DYNC2I2: variants seen among roughly 807,000 people sequenced by gnomAD.
DYNC2I2 encodes the protein dynein 2 intermediate chain 2, also known as cytoplasmic dynein 2 intermediate chain 2.
DYNC2I2 carries 39 observed loss-of-function variants against 52.0 expected under a neutral mutation model. The ratio of observed to expected loss-of-function variants is 0.75; its 90% confidence interval spans 0.58 to 0.98. DYNC2I2 has a LOEUF of 0.98. Among genes scored for constraint, DYNC2I2 ranks in the 50% least tolerant of loss-of-function variants. The pLI, the probability that DYNC2I2 is intolerant of heterozygous loss-of-function variation, is 0.00. For synonymous variants in DYNC2I2, 359 were observed against 321.1 expected (o/e 1.12, Z -1.26); for missense variants, 743 against 728.4 (o/e 1.02, Z -0.23).
At chr9:128,673,685 T>C in the DYNC2I2 span, among the ~76,000 whole-genome samples, 1 of 151,612 alleles carries the variant, frequency 6.6e-6, no homozygotes, top group Admixed American at 6.6e-5. Flanking sequence ...TTTTTGTACT[T>C]TTAGTAGAGA....
Position 128,656,743 on chromosome 9 carries a change from T to C in DYNC2I2, c.-17A>G. The C allele has an allele frequency of 1.5e-6, 2 of 1,357,800 alleles. No homozygotes were observed. Among genetic ancestry groups the C allele is most frequent in the Non-Finnish European group, 1.9e-6 (2 of 1,055,786 alleles). The allele number at this position is 1,357,800 out of a possible 1,614,324, so 84.1% of individuals were successfully genotyped here. On this transcript the variant is annotated 5_prime_UTR_variant, in exon 1 of 9. Transcript: ENST00000372715. ...GGTTGCCATGGAGACGGTTCCGCCCTCTCGTGCGGACGCACTCAGGCGCGA... is the reference window on the plus strand; with the variant it reads ...GGTTGCCATGGAGACGGTTCCGCCCCCTCGTGCGGACGCACTCAGGCGCGA...
intron 1 of DYNC2I2, among the ~76,000 whole-genome samples, chr9:128,652,895 G>A (rs1237020075): frequency 6.7e-6 from 1 of 149,550 alleles, no homozygotes; most frequent in Non-Finnish European, 1.5e-5. Flanking sequence ...TCCAGCTTGG[G>A]CAACAAAAGC....
chr9:128,683,922 C>A, the DYNC2I2 span: 1 of 1,554,360 alleles, frequency 6.4e-7, no homozygotes. Flanking sequence ...AGTCTCCACT[C>A]CCGCCTCAAA....
intron 1 of DYNC2I2, among the ~76,000 whole-genome samples, chr9:128,653,902 T>C (rs946496202): frequency 2.6e-5 from 4 of 151,936 alleles, no homozygotes; most frequent in Non-Finnish European, 5.9e-5. Context: ...TCCCAGCTAC[T>C]GGGGAGGCTG....
chr9:128,678,575 C>T, the DYNC2I2 span, among the ~76,000 whole-genome samples: 4 of 146,662 alleles, frequency 2.7e-5, no homozygotes, highest in African/African-American at 1.0e-4. Context: ...GATTCTCCTG[C>T]CTCAGCTTCC....
At chr9:128,654,992 G>A (rs1439644113) in intron 1 of DYNC2I2, among the ~76,000 whole-genome samples, 2 of 152,006 alleles carry the variant, frequency 1.3e-5, no homozygotes, top group Admixed American at 1.3e-4. Context: ...GCTCGAGGAG[G>A]GAGAGATGTC....
chr9:128,640,808 G>A lies in DYNC2I2; in HGVS notation c.318C>T (p.Pro106=). ...CTCTCCGAAGAAAGGCTGCGAGCCT[G>A]GGTATGTCATACTGGGACGGGGGCT... ...SVQPPSQYDI[P]RLAAFLRRVE... Residue 106 remains proline, a synonymous_variant, in exon 2 of 9, where the codon CCC becomes CCT. Transcript: ENST00000372715. 6.2e-7 allele frequency: 1 copy of A among 1,614,182 alleles called. No individual in the cohort carries two copies. Among genetic ancestry groups the A allele is most frequent in the Admixed American group, 1.7e-5 (1 of 60,020 alleles).
At chr9:128,635,843 C>T in intron 4 of DYNC2I2, 76 bp from the exon 5 acceptor site, 10 of 1,409,014 alleles carry the variant, frequency 7.1e-6, no homozygotes, top group Middle Eastern at 1.8e-4. Flanking sequence ...CCCGCCCCAG[C>T]CCACCTACAG....
chr9:128,671,418 CAGCCCCCCAAGT>C, the DYNC2I2 span, among the ~76,000 whole-genome samples: 3 of 150,500 alleles, frequency 2.0e-5, no homozygotes, highest in African/African-American at 7.3e-5. Context: ...TCTCCTGCCT[CAGCCCCCCAAGT>C]AGTTAGGATT....
chr9:128,640,642 A>G (rs745737201), intron 2 of DYNC2I2, 49 bp downstream of exon 2: 2 of 1,580,346 alleles, frequency 1.3e-6, no homozygotes, highest in East Asian at 4.5e-5. Context: ...AAGAGGAGAC[A>G]GAAGTGGGGC....
chr9:128,664,732 G>A, the DYNC2I2 span, among the ~76,000 whole-genome samples: 138 of 150,784 alleles, frequency 9.2e-4, no homozygotes, highest in Non-Finnish European at 1.5e-3. Context: ...TGATCCACCC[G>A]CCTCAGCCTC....
rs1246688546 is a variant in DYNC2I2 at position 128,655,489 on chromosome 9, CGACA to C, written c.186+1048_186+1051del. 3.5e-4 allele frequency among the ~76,000 whole-genome samples: 48 copies of C among 138,800 alleles called. No homozygotes were observed. The South Asian group carries it at 0.011, about 33-fold the overall frequency. 91.1% of individuals were successfully genotyped at this position (138,800 alleles called of 152,430 possible). On this transcript the variant is annotated intron_variant, in intron 1 of 8. Coordinates refer to ENST00000372715, the MANE Select transcript of DYNC2I2 (RefSeq NM_052844.4). ...TCGCGCCATTGCACTCCAGCCCGGG[CGACA>C]GAGCGAGACTCCGTCTCCAAAAAAA...
At chr9:128,667,188 A>G in the DYNC2I2 span, among the ~76,000 whole-genome samples, 2 of 151,638 alleles carry the variant, frequency 1.3e-5, no homozygotes, top group Non-Finnish European at 2.9e-5. Context: ...AACAGAGCAA[A>G]ACTCCATCTC....
the DYNC2I2 span, among the ~76,000 whole-genome samples, chr9:128,675,263 C>T: frequency 3.3e-5 from 5 of 152,060 alleles, no homozygotes; most frequent in Admixed American, 6.6e-5. Context: ...TTGCAACCTC[C>T]GCCTCCTGGG....
intron 5 of DYNC2I2, 199 bp from the exon 6 acceptor site, chr9:128,635,458 G>T: frequency 2.5e-6 from 2 of 799,140 alleles, no homozygotes; most frequent in Non-Finnish European, 3.9e-6. Context: ...CTGCTCACTC[G>T]GTGCCTGCAG....
chr9:128,639,677 T>G lies in DYNC2I2; in HGVS notation c.435+1014A>C, dbSNP rs1350051667. On this transcript the variant is annotated intron_variant, in intron 2 of 8. Coordinates refer to ENST00000372715, the MANE Select transcript of DYNC2I2 (RefSeq NM_052844.4). ...AGTTTTTTTTTGTTGTTTTTTTGTCTTTTTTTGAGATGGAGTCTTGCTCTG... is the reference window on the plus strand; with the variant it reads ...AGTTTTTTTTTGTTGTTTTTTTGTCGTTTTTTGAGATGGAGTCTTGCTCTG... Among the ~76,000 whole-genome samples, 3 of 150,784 alleles carry G rather than the reference T, an allele frequency of 2.0e-5. No homozygotes were observed. The East Asian group carries it at 5.8e-4, about 29-fold the overall frequency.
chr9:128,671,189 C>A, the DYNC2I2 span, among the ~76,000 whole-genome samples: 22 of 151,858 alleles, frequency 1.4e-4, no homozygotes, highest in African/African-American at 3.1e-4. Context: ...GTCCCAGCTA[C>A]CAGAGAGGCT....
At chr9:128,677,629 C>T in the DYNC2I2 span, among the ~76,000 whole-genome samples, 1 of 150,868 alleles carries the variant, frequency 6.6e-6, no homozygotes, top group Non-Finnish European at 1.5e-5. Flanking sequence ...GAAACCCCGT[C>T]TCTACTAAAA....
At chr9:128,645,975 C>T (rs1166832397) in intron 1 of DYNC2I2, among the ~76,000 whole-genome samples, 2 of 152,152 alleles carry the variant, frequency 1.3e-5, no homozygotes, top group Non-Finnish European at 2.9e-5. Context: ...AGAGCAAGGC[C>T]CTAACTCTCT....
Sources: allele counts gnomAD v4.1 joint callset (sites outside exome capture counted in the v4.1 genomes callset), GRCh38; gene constraint gnomAD v4.1.1; transcripts MANE v1.5; gene names NCBI Gene and HGNC (gene_info 2026-07-23, HGNC 2026-07-21).